The following COL4A4 variants were observed in gnomAD, a reference collection of about 807,000 sequenced individuals.
COL4A4 encodes collagen alpha-4(IV) chain.
COL4A4 carries 105 observed loss-of-function variants against 192.9 expected under a neutral mutation model. The ratio of observed to expected loss-of-function variants is 0.54; its 90% CI spans 0.46 to 0.64. COL4A4 has a LOEUF of 0.64. Among genes scored for constraint, COL4A4 ranks in the 30% least tolerant of loss-of-function variants. The pLI is 0.00. For synonymous variants in COL4A4, 762 were observed against 769.9 expected, an observed-to-expected ratio of 0.99 and a Z score of 0.17; for missense variants, 1,967 against 2,169.3, an observed-to-expected ratio of 0.91 and a Z score of 1.85.
intron 25 of COL4A4, among the ~76,000 whole-genome samples, chr2:227,075,588 A>G (rs1164125635): frequency 6.6e-6 from 1 of 152,220 alleles, no homozygotes; most frequent in Non-Finnish European, 1.5e-5. Flanking sequence ...CAAGACAAGG[A>G]TGCCCTCTCT....
At position 227,006,943 on chromosome 2, in the gene COL4A4, A is replaced by G; in HGVS notation, c.*382T>C. 6.7e-6 allele frequency: 2 copies of G among 298,662 alleles called. No individual in the cohort carries two copies. Among genetic ancestry groups the G allele is most frequent in the South Asian group, 3.4e-5 (1 of 29,360 alleles). 18.5% of individuals were successfully genotyped at this position (298,662 alleles called of 1,614,324 possible). The stretch of plus-strand genomic sequence containing the variant: ...AATCCATCCAGAAGCCCACTGTATT[A>G]TAGAGTAATTGACTTCAATTGTTTG... On this transcript the variant is annotated 3_prime_UTR_variant, in exon 48 of 48. Transcript: ENST00000396625.
the COL4A4 span, among the ~76,000 whole-genome samples, chr2:226,976,545 C>T: frequency 6.6e-6 from 1 of 152,154 alleles, no homozygotes; most frequent in Non-Finnish European, 1.5e-5. Flanking sequence ...AGACTCACCA[C>T]CGTATACTGA....
chr2:227,031,846 A>T, intron 40 of COL4A4, 99 bp downstream of exon 40: 1 of 886,264 alleles, frequency 1.1e-6, no homozygotes, highest in Non-Finnish European at 1.9e-6. Flanking sequence ...GGGCTGCTTC[A>T]GTGCTTCTAT....
intron 25 of COL4A4, among the ~76,000 whole-genome samples, chr2:227,064,335 T>G (rs1454663017): frequency 6.6e-6 from 1 of 152,178 alleles, no homozygotes; most frequent in African/African-American, 2.4e-5. Context: ...GACAAGGCTT[T>G]TGAATTAACC....
At chr2:227,081,816 C>A (rs1296817553) in intron 23 of COL4A4, among the ~76,000 whole-genome samples, 1 of 152,084 alleles carries the variant, frequency 6.6e-6, no homozygotes, top group Non-Finnish European at 1.5e-5. Context: ...ATATAGAATA[C>A]TGTAATGTGG....
intron 28 of COL4A4, among the ~76,000 whole-genome samples, chr2:227,058,752 T>C (rs1247264474): frequency 6.6e-6 from 1 of 152,206 alleles, no homozygotes; most frequent in East Asian, 1.9e-4. Flanking sequence ...ACTGGGGTCC[T>C]GAAGACAATA....
intron 23 of COL4A4, among the ~76,000 whole-genome samples, chr2:227,081,579 G>A (rs2059327771): frequency 6.6e-6 from 1 of 152,158 alleles, no homozygotes; most frequent in South Asian, 2.1e-4. Flanking sequence ...TCCTCAGCTT[G>A]CAGACAGCCT....
intron 30 of COL4A4, among the ~76,000 whole-genome samples, chr2:227,055,018 A>T (rs937940035): frequency 1.3e-5 from 2 of 152,056 alleles, no homozygotes; most frequent in Admixed American, 6.6e-5. Context: ...TCAAACTCCT[A>T]GCCTCAAGTG....
the COL4A4 span, among the ~76,000 whole-genome samples, chr2:226,984,924 T>TGGGGG: frequency 1.5e-5 from 1 of 67,402 alleles, no homozygotes; most frequent in African/African-American, 5.9e-5. Context: ...CTCCTGGGGG[T>TGGGGG]TGGGGTGGGG....
intron 36 of COL4A4, 96 bp downstream of exon 36, chr2:227,042,981 A>T (rs1338819454): frequency 4.5e-6 from 4 of 885,086 alleles, no homozygotes; most frequent in Non-Finnish European, 7.4e-6. Flanking sequence ...TGGCAGAGCC[A>T]TATCTGAATT....
chr2:227,047,388 T>TA (rs1306566672), intron 35 of COL4A4, 87 bp downstream of exon 35: 1 of 936,930 alleles, frequency 1.1e-6, no homozygotes, highest in African/African-American at 1.6e-5. Flanking sequence ...AAAATATTGA[T>TA]ACGATCATTG....
rs149060301 is a variant in COL4A4 at position 227,017,447 on chromosome 2, A to T, written c.4216+4601T>A. Among the ~76,000 whole-genome samples the T allele has an allele frequency of 3.2e-3, 488 of 152,322 alleles. 3 individuals carry two copies. The highest frequency in any genetic ancestry group is 0.011 in the African/African-American group (467 of 41,580). ...CAAACCCTCCAGTGTTAGATGGATG[A>T]CCTCCTGAGAGGGCAAGTGTTGCCT... On this transcript the variant is annotated intron_variant, in intron 44 of 47. Coordinates refer to ENST00000396625, the MANE Select transcript of COL4A4 (RefSeq NM_000092.5).
chr2:227,099,711 C>T (rs773601354), intron 17 of COL4A4, 22 bp from the exon 18 acceptor site: 1 of 1,606,068 alleles, frequency 6.2e-7, no homozygotes, highest in African/African-American at 1.3e-5. Context: ...CATTCATTCA[C>T]TTTTTAAAGG....
Position 227,094,041 on chromosome 2 carries a change from T to C in COL4A4, c.1369+84A>G. 4.5e-6 allele frequency: 6 copies of C among 1,327,910 alleles called. No homozygotes were observed. In the South Asian group the frequency reaches 6.4e-5, roughly 14 times the overall value. 82.3% of individuals were successfully genotyped at this position (1,327,910 alleles called of 1,614,324 possible). A position where few individuals can be genotyped will look rare whatever the true frequency, so the allele number is the denominator to read the frequency against. Reference sequence around the variant, plus strand: ...GAAACATCATATAACTTTTAAAATATTTTAAAAACTATGCTTTCTTAGTGG... The same window carrying C: ...GAAACATCATATAACTTTTAAAATACTTTAAAAACTATGCTTTCTTAGTGG... On this transcript the variant is annotated intron_variant, in intron 20 of 47. Coordinates refer to ENST00000396625, the MANE Select transcript of COL4A4 (RefSeq NM_000092.5).
intron 25 of COL4A4, among the ~76,000 whole-genome samples, chr2:227,073,855 G>A (rs887336067): frequency 1.1e-4 from 16 of 151,906 alleles, no homozygotes; most frequent in Non-Finnish European, 1.6e-4. Flanking sequence ...TGTATTAGAA[G>A]AATAAAACCG....
intron 31 of COL4A4, among the ~76,000 whole-genome samples, chr2:227,053,022 T>G (rs1181803714): frequency 6.6e-6 from 1 of 152,008 alleles, no homozygotes; most frequent in Non-Finnish European, 1.5e-5. Context: ...TTGCTAACTT[T>G]AAATCAGCCG....
chr2:227,124,041 GC>G lies in COL4A4; in HGVS notation c.193-2894del, dbSNP rs1379552387. ...TAGCATAGTGCCTGGCATAACAAAT[GC>G]TAACTATTGTTATTATATATTATTA... is the stretch of plus-strand genomic sequence containing the variant. On this transcript the variant is annotated intron_variant, in intron 4 of 47. Coordinates refer to ENST00000396625, the MANE Select transcript of COL4A4 (RefSeq NM_000092.5). Among the ~76,000 whole-genome samples the G allele has an allele frequency of 5.3e-5, 8 of 152,220 alleles. No individual in the cohort carries two copies. In the East Asian group the frequency reaches 1.5e-3, roughly 29 times the overall value.
intron 27 of COL4A4, 35 bp downstream of exon 27, chr2:227,060,101 G>GCAAAAAAA (rs1553644159): frequency 5.0e-6 from 2 of 399,128 alleles, no homozygotes; most frequent in Non-Finnish European, 8.0e-6. Flanking sequence ...TCCCAAAGCA[G>GCAAAAAAA]AAAAAAAAAA....
In COL4A4 at chr2:227,054,322, T is replaced by C. The variant is rs34093482; in HGVS notation, c.2860+272A>G. 0.011 allele frequency among the ~76,000 whole-genome samples: 1,729 copies of C among 152,280 alleles called. 30 individuals carry two copies. Among genetic ancestry groups the C allele is most frequent in the African/African-American group, 0.04 (1,661 of 41,564 alleles). On this transcript the variant is annotated intron_variant, in intron 31 of 47. Coordinates refer to ENST00000396625, the MANE Select transcript of COL4A4 (RefSeq NM_000092.5). ...CTTTCCCAAAAGGTGAGAAAGTTCT[T>C]TGAAACCTAGAAGCTATAAATCAGT...
Sources: allele counts gnomAD v4.1 joint callset (sites outside exome capture counted in the v4.1 genomes callset), GRCh38; gene constraint gnomAD v4.1.1; transcripts MANE v1.5; gene names NCBI Gene and HGNC (gene_info 2026-07-23, HGNC 2026-07-21).